Variants in GRID2 observed in about 807,000 individuals in gnomAD.
GRID2 encodes glutamate ionotropic receptor delta type subunit 2.
A neutral mutation model predicts 114.8 loss-of-function variants in GRID2; 33 were observed. The ratio of observed to expected loss-of-function variants is 0.29; its 90% confidence interval spans 0.22 to 0.38. The LOEUF is 0.38. Ranked by LOEUF, GRID2 falls within the 10% of genes least tolerant of loss-of-function variation. The probability of loss-of-function intolerance (pLI) is 1.00; values close to 1 mark genes in which losing one functional copy is unlikely to be tolerated. For synonymous variants in GRID2, 505 were observed against 449.9 expected (o/e 1.12, Z -1.55); for missense variants, 1,184 against 1,257.7 (o/e 0.94, Z 0.89).
chr4:92,425,943 A>G (rs913249980), intron 1 of GRID2, among the ~76,000 whole-genome samples: 9 of 152,028 alleles, frequency 5.9e-5, no homozygotes, highest in African/African-American at 1.2e-4. Flanking sequence ...ATTATCCTCT[A>G]TCTTCTTTAG....
chr4:92,598,636 A>G (rs760097000), intron 2 of GRID2, among the ~76,000 whole-genome samples: 1 of 152,124 alleles, frequency 6.6e-6, no homozygotes, highest in Non-Finnish European at 1.5e-5. Flanking sequence ...CCTTGAACAC[A>G]CCTACTATTT....
chr4:93,505,595 TTATAA>T (rs1452467929), intron 12 of GRID2, among the ~76,000 whole-genome samples: 2 of 148,582 alleles, frequency 1.3e-5, no homozygotes, highest in African/African-American at 2.4e-5. Context: ...AATTTATATA[TTATAA>T]TATATATTTT....
intron 8 of GRID2, among the ~76,000 whole-genome samples, chr4:93,307,305 A>G (rs1303973730): frequency 6.6e-6 from 1 of 152,110 alleles, no homozygotes; most frequent in African/African-American, 2.4e-5. Context: ...TCAGTCCAGG[A>G]AAGGGAATAA....
chr4:92,883,173 G>T (rs1746140141), intron 2 of GRID2, among the ~76,000 whole-genome samples: 1 of 152,154 alleles, frequency 6.6e-6, no homozygotes, highest in African/African-American at 2.4e-5. Flanking sequence ...ATTTCAACAA[G>T]ATTTATAGCA....
chr4:92,321,036 C>A (rs1363647135), intron 1 of GRID2, among the ~76,000 whole-genome samples: 2 of 152,010 alleles, frequency 1.3e-5, no homozygotes, highest in Admixed American at 6.6e-5. Context: ...ATGTATAATT[C>A]TCTTACATAA....
chr4:93,100,425 GAA>G (rs982555741), intron 3 of GRID2, among the ~76,000 whole-genome samples: 10 of 151,892 alleles, frequency 6.6e-5, no homozygotes, highest in African/African-American at 2.4e-4. Context: ...TTTTTGAAGT[GAA>G]GTTTTTTCTA....
chr4:92,689,090 T>G (rs12500073), intron 2 of GRID2, among the ~76,000 whole-genome samples: 1 of 152,074 alleles, frequency 6.6e-6, no homozygotes, highest in Non-Finnish European at 1.5e-5. Flanking sequence ...GCACTACATC[T>G]CAACAGTGGG....
At chr4:93,572,887 C>G (rs1736061309) in intron 13 of GRID2, among the ~76,000 whole-genome samples, 1 of 152,108 alleles carries the variant, frequency 6.6e-6, no homozygotes, top group African/African-American at 2.4e-5. Flanking sequence ...CACTTATTTT[C>G]TCAGGTCTGT....
intron 2 of GRID2, among the ~76,000 whole-genome samples, chr4:92,815,104 T>G (rs747322280): frequency 2.9e-4 from 44 of 152,166 alleles, no homozygotes; most frequent in Non-Finnish European, 5.4e-4. Context: ...TCTTACAAGA[T>G]AGAAATACAT....
chr4:93,633,139 CA>C (rs67558139), intron 14 of GRID2, among the ~76,000 whole-genome samples: 20,905 of 151,910 alleles, frequency 0.14, 1,757 homozygotes, highest in Non-Finnish European at 0.19. Context: ...ACAATACTCT[CA>C]TAATGGGTCC....
chr4:93,514,405 TC>T (rs933387488), intron 12 of GRID2, among the ~76,000 whole-genome samples: 17 of 135,242 alleles, frequency 1.3e-4, no homozygotes, highest in African/African-American at 4.5e-4. Flanking sequence ...TAGAAATCGC[TC>T]CCCCCACCTC....
chr4:93,442,510 C>T (rs1721715674), intron 10 of GRID2, among the ~76,000 whole-genome samples: 1 of 151,886 alleles, frequency 6.6e-6, no homozygotes, highest in African/African-American at 2.4e-5. Flanking sequence ...TTATTGGGGC[C>T]TAATGTGTAG....
At chr4:92,605,813 G>C (rs1729425840) in intron 2 of GRID2, among the ~76,000 whole-genome samples, 1 of 152,010 alleles carries the variant, frequency 6.6e-6, no homozygotes, top group Non-Finnish European at 1.5e-5. Context: ...CATATTACTT[G>C]TGAGTTTTTT....
intron 1 of GRID2, among the ~76,000 whole-genome samples, chr4:92,476,519 G>C (rs538830331): frequency 1.3e-5 from 2 of 152,186 alleles, no homozygotes; most frequent in East Asian, 3.9e-4. Flanking sequence ...ATGGCATTTT[G>C]AGTAAAGATG....
At chr4:93,556,622 G>T (rs1734338889) in intron 13 of GRID2, among the ~76,000 whole-genome samples, 1 of 152,186 alleles carries the variant, frequency 6.6e-6, no homozygotes, top group Non-Finnish European at 1.5e-5. Flanking sequence ...ACCTACGTTT[G>T]ACTGGTGTAC....
At chr4:92,445,642 G>A (rs144335917) in intron 1 of GRID2, among the ~76,000 whole-genome samples, 1 of 152,304 alleles carries the variant, frequency 6.6e-6, no homozygotes, top group African/African-American at 2.4e-5. Flanking sequence ...TAGAGCATAG[G>A]AGAGAGCTGA....
intron 2 of GRID2, among the ~76,000 whole-genome samples, chr4:92,665,302 A>G (rs1448253928): frequency 6.7e-6 from 1 of 150,132 alleles, no homozygotes; most frequent in Non-Finnish European, 1.5e-5. Context: ...AAAAAAAAAA[A>G]CCTCTGCTCC....
chr4:93,709,492 C>A (rs192143044), intron 14 of GRID2, among the ~76,000 whole-genome samples: 4 of 152,078 alleles, frequency 2.6e-5, no homozygotes, highest in African/African-American at 7.2e-5. Flanking sequence ...TTTTCTCTTG[C>A]GGCTTTTAGA....
chr4:92,911,246 T>A (rs1451595661), intron 2 of GRID2, among the ~76,000 whole-genome samples: 1 of 152,060 alleles, frequency 6.6e-6, no homozygotes, highest in Admixed American at 6.6e-5. Flanking sequence ...TACAAATTAT[T>A]GTATTTAGTA....
Sources: gnomAD v4.1 joint callset for allele counts (sites outside exome capture counted in the v4.1 genomes callset) on GRCh38, gnomAD v4.1.1 for gene constraint, MANE v1.5 for transcripts, NCBI Gene and HGNC (gene_info 2026-07-23, HGNC 2026-07-21) for gene names.